Variants in CRADD observed in about 807,000 individuals in gnomAD.
CRADD encodes the protein CARD and death domain containing adaptor protein, also known as death domain-containing protein CRADD.
CRADD carries 9 observed loss-of-function variants against 15.5 expected under a neutral mutation model. The observed-to-expected ratio is 0.58, with a 90% CI of 0.35 to 1.01. The LOEUF is 1.01. CRADD is among the 50% of genes least tolerant of loss of function. CRADD has a pLI of 0.02. For synonymous variants in CRADD, 118 were observed against 107.6 expected, an observed-to-expected ratio of 1.10 and a Z score of -0.60; for missense variants, 227 against 250.3, an observed-to-expected ratio of 0.91 and a Z score of 0.63.
intron 2 of CRADD, chr12:93,815,840 T>C (rs1001778645): frequency 1.3e-5 from 2 of 152,228 alleles, no homozygotes; most frequent in Non-Finnish European, 2.9e-5. Context: ...AATATGATTT[T>C]AGTTTATTCT....
At chr12:93,731,495 A>G (rs1480835722) in intron 2 of CRADD, among the ~76,000 whole-genome samples, 2 of 152,240 alleles carry the variant, frequency 1.3e-5, no homozygotes, top group African/African-American at 4.8e-5. Flanking sequence ...CCAGGCTTCT[A>G]TTTCAATGAC....
intron 2 of CRADD, among the ~76,000 whole-genome samples, chr12:93,745,451 C>G (rs1956734796): frequency 6.6e-6 from 1 of 152,104 alleles, no homozygotes; most frequent in South Asian, 2.1e-4. Flanking sequence ...TCCAGTAACT[C>G]TAGCAAGGAG....
At chr12:93,689,012 G>A (rs529154784) in intron 2 of CRADD, among the ~76,000 whole-genome samples, 1 of 152,220 alleles carries the variant, frequency 6.6e-6, no homozygotes, top group South Asian at 2.1e-4. Flanking sequence ...TTGGTTGGGG[G>A]AAGGCTAGGG....
chr12:93,883,198 G>T (rs1958514716), intron 2 of CRADD, among the ~76,000 whole-genome samples: 1 of 152,190 alleles, frequency 6.6e-6, no homozygotes. Context: ...CAGGTTTGAA[G>T]ATAATACAAA....
At chr12:93,695,569 C>T (rs1045171653) in intron 2 of CRADD, among the ~76,000 whole-genome samples, 1 of 152,070 alleles carries the variant, frequency 6.6e-6, no homozygotes, top group African/African-American at 2.4e-5. Flanking sequence ...CCAAAATACA[C>T]CAGGAACTGT....
intron 2 of CRADD, among the ~76,000 whole-genome samples, chr12:93,724,804 G>A (rs1383573356): frequency 6.6e-6 from 1 of 151,942 alleles, no homozygotes; most frequent in Non-Finnish European, 1.5e-5. Flanking sequence ...AAGGAATTTT[G>A]AGCAGAAGAT....
At chr12:93,811,057 C>A (rs919234468) in intron 2 of CRADD, among the ~76,000 whole-genome samples, 15 of 149,916 alleles carry the variant, frequency 1.0e-4, no homozygotes, top group African/African-American at 3.5e-4. Context: ...TTAGCCCCCC[C>A]TCCTGGAACA....
At chr12:93,790,939 A>ACACACACACACACT (rs1555224341) in intron 2 of CRADD, among the ~76,000 whole-genome samples, 1 of 150,232 alleles carries the variant, frequency 6.7e-6, no homozygotes, top group African/African-American at 2.5e-5. Flanking sequence ...ACACACACAC[A>ACACACACACACACT]CTCTTGATAG....
intron 2 of CRADD, among the ~76,000 whole-genome samples, chr12:93,693,167 G>C (rs1324284299): frequency 6.6e-6 from 1 of 152,158 alleles, no homozygotes; most frequent in Non-Finnish European, 1.5e-5. Flanking sequence ...AAGACAGCCA[G>C]AGGAAGGAAA....
rs1236724378 is a variant in CRADD at position 93,859,470 on chromosome 12, G to A, written c.299-34580G>A. The stretch of plus-strand genomic sequence containing the variant: ...GAGGTCCAATTATATCCAAGTCTTG[G>A]CATCAAACTGTGAAAGACAAAATGC... On this transcript the variant is annotated intron_variant, in intron 2 of 2. Transcript: ENST00000548483. The A allele has an allele frequency of 3.3e-5, 14 of 421,152 alleles. No individual in the cohort carries two copies. In the East Asian group the frequency reaches 8.6e-4, roughly 26 times the overall value. 26.1% of individuals were successfully genotyped at this position (421,152 alleles called of 1,614,324 possible). A position where few individuals can be genotyped will look rare whatever the true frequency, so the allele number is the denominator to read the frequency against.
At chr12:93,874,407 T>C (rs1029465379) in intron 2 of CRADD, among the ~76,000 whole-genome samples, 1 of 152,042 alleles carries the variant, frequency 6.6e-6, no homozygotes. Context: ...CATTGATTTT[T>C]GTATTTTTTT....
intron 2 of CRADD, among the ~76,000 whole-genome samples, chr12:93,879,130 A>T (rs1958477864): frequency 6.6e-6 from 1 of 152,016 alleles, no homozygotes; most frequent in South Asian, 2.1e-4. Context: ...CTTCCAAATC[A>T]CTGTTGTCTT....
chr12:93,696,295 T>C (rs1320949301), intron 2 of CRADD, among the ~76,000 whole-genome samples: 2 of 152,250 alleles, frequency 1.3e-5, no homozygotes, highest in Non-Finnish European at 2.9e-5. Context: ...TCATGTTCAC[T>C]GCAGCATTAT....
At chr12:93,748,062 T>C (rs1013009579) in intron 2 of CRADD, among the ~76,000 whole-genome samples, 1 of 152,176 alleles carries the variant, frequency 6.6e-6, no homozygotes, top group Non-Finnish European at 1.5e-5. Flanking sequence ...TTTATATAAA[T>C]TGGAGCTATG....
At chr12:93,825,123 C>T (rs535996398) in intron 2 of CRADD, among the ~76,000 whole-genome samples, 5 of 152,146 alleles carry the variant, frequency 3.3e-5, no homozygotes, top group Admixed American at 6.5e-5. Context: ...ATTTTCTTCC[C>T]GCGTTGGTTC....
chr12:93,677,721 G>A (rs1054293452), intron 1 of CRADD: 6 of 152,282 alleles, frequency 3.9e-5, no homozygotes, highest in Non-Finnish European at 8.8e-5. Flanking sequence ...TGATACAAGG[G>A]TTTCAGCGGC....
chr12:93,725,918 A>C (rs1956356001), intron 2 of CRADD, among the ~76,000 whole-genome samples: 1 of 152,092 alleles, frequency 6.6e-6, no homozygotes, highest in Admixed American at 6.6e-5. Flanking sequence ...GCTCAGACAC[A>C]TGAACTTTTC....
chr12:93,715,910 G>A (rs1475470754), intron 2 of CRADD, among the ~76,000 whole-genome samples: 1 of 152,164 alleles, frequency 6.6e-6, no homozygotes. Flanking sequence ...GAGAGGCTGA[G>A]GCGGGGGGAT....
intron 2 of CRADD, among the ~76,000 whole-genome samples, chr12:93,716,063 C>T (rs1333764347): frequency 1.3e-5 from 2 of 149,986 alleles, no homozygotes; most frequent in African/African-American, 4.9e-5. Flanking sequence ...ATCCAGGAGG[C>T]GGAGGTTGCA....
Sources: allele counts gnomAD v4.1 joint callset (sites outside exome capture counted in the v4.1 genomes callset), GRCh38; gene constraint gnomAD v4.1.1; transcripts MANE v1.5; gene names NCBI Gene and HGNC (gene_info 2026-07-23, HGNC 2026-07-21).